Variants in THSD7B observed in about 807,000 individuals in gnomAD.
THSD7B encodes the protein thrombospondin type-1 domain-containing protein 7B.
In THSD7B, 138 loss-of-function variants were observed where a neutral mutation model predicts 213.6. That is an observed-to-expected ratio of 0.65 (90% CI 0.56 to 0.74). THSD7B has a LOEUF of 0.74. THSD7B is among the 30% of genes least tolerant of loss of function. The pLI is 0.00. For synonymous variants in THSD7B, 742 were observed against 687.0 expected (o/e 1.08, Z -1.25); for missense variants, 1,931 against 1,991.5 (o/e 0.97, Z 0.58).
chr2:136,888,580 C>T (rs1683761541), intron 2 of THSD7B, among the ~76,000 whole-genome samples: 1 of 151,950 alleles, frequency 6.6e-6, no homozygotes, highest in South Asian at 2.1e-4. Flanking sequence ...TTAATTACTT[C>T]CATGGATATT....
At chr2:136,881,041 G>A (rs1683613688) in intron 1 of THSD7B, among the ~76,000 whole-genome samples, 1 of 152,056 alleles carries the variant, frequency 6.6e-6, no homozygotes, top group African/African-American at 2.4e-5. Context: ...CTAATCACCA[G>A]TCCCCAAACA....
intron 1 of THSD7B, among the ~76,000 whole-genome samples, chr2:136,872,934 T>C (rs1296377904): frequency 7.0e-6 from 1 of 142,868 alleles, no homozygotes; most frequent in East Asian, 2.2e-4. Flanking sequence ...GCATAACTGC[T>C]AAATTGCTTC....
chr2:137,655,044 A>G (rs1424703859), intron 21 of THSD7B, among the ~76,000 whole-genome samples: 3 of 152,214 alleles, frequency 2.0e-5, no homozygotes, highest in Non-Finnish European at 4.4e-5. Context: ...GTGGCAACAG[A>G]GAAAAACCGT....
chr2:137,471,594 C>T (rs997981555), intron 15 of THSD7B, among the ~76,000 whole-genome samples: 2 of 151,994 alleles, frequency 1.3e-5, no homozygotes, highest in Non-Finnish European at 1.5e-5. Flanking sequence ...GCCTACTCCT[C>T]AGGTCTAGGG....
chr2:137,387,085 C>T (rs1226476192), intron 12 of THSD7B, among the ~76,000 whole-genome samples: 1 of 152,180 alleles, frequency 6.6e-6, no homozygotes, highest in Non-Finnish European at 1.5e-5. Context: ...TGCGTTTCTC[C>T]CAAGGCTCAC....
Position 137,056,641 on chromosome 2 carries a change from C to T in THSD7B, c.361C>T (p.Arg121Cys), listed in dbSNP as rs756145411. Reference protein sequence around the residue: ...WHHCVLVPYARGEVKPRTAEC... With the variant: ...WHHCVLVPYACGEVKPRTAEC... ...CCACTGTGTGCTTGTTCCTTACGCT[C>T]GCGGTGAAGTCAAGCCTCGGACTGC... The change falls in exon 3 of 28, where the codon CGC (arginine) becomes TGC (cysteine). Residue 121 changes from arginine (R) to cysteine (C), a missense_variant. By Grantham distance (180) the Arg-to-Cys change is radical. Transcript: ENST00000409968. 5.0e-6 allele frequency: 8 copies of T among 1,613,890 alleles called. No individual in the cohort carries two copies. The highest frequency in any genetic ancestry group is 1.6e-4 in the Middle Eastern group (1 of 6,062).
chr2:137,473,671 A>G (rs995175357), intron 15 of THSD7B, among the ~76,000 whole-genome samples: 1 of 152,202 alleles, frequency 6.6e-6, no homozygotes, highest in African/African-American at 2.4e-5. Flanking sequence ...TACAATGACT[A>G]CTAGTACAGT....
At chr2:137,456,481 C>A (rs1687766087) in intron 15 of THSD7B, among the ~76,000 whole-genome samples, 1 of 152,104 alleles carries the variant, frequency 6.6e-6, no homozygotes. Flanking sequence ...TCAGTGTTGG[C>A]CTCTTGCATC....
At chr2:137,133,491 A>G (rs958035792) in intron 5 of THSD7B, among the ~76,000 whole-genome samples, 2 of 152,024 alleles carry the variant, frequency 1.3e-5, no homozygotes, top group African/African-American at 4.8e-5. Context: ...TAAATTACCC[A>G]GGGATTTTTT....
intron 2 of THSD7B, among the ~76,000 whole-genome samples, chr2:136,957,437 G>GTTTTTTTTT (rs34483995): frequency 7.7e-6 from 1 of 129,986 alleles, no homozygotes; most frequent in Non-Finnish European, 1.6e-5. Context: ...CCAATACAAC[G>GTTTTTTTTT]TTTTTTTTTT....
At chr2:137,595,463 G>A (rs1681941790) in intron 17 of THSD7B, among the ~76,000 whole-genome samples, 1 of 151,888 alleles carries the variant, frequency 6.6e-6, no homozygotes, top group South Asian at 2.1e-4. Context: ...ACAACCCAGG[G>A]ATAAATACTT....
At chr2:137,117,996 T>C (rs1688474512) in intron 5 of THSD7B, among the ~76,000 whole-genome samples, 1 of 152,156 alleles carries the variant, frequency 6.6e-6, no homozygotes. Context: ...TATAGCATAT[T>C]TAGTTGATAC....
intron 9 of THSD7B, among the ~76,000 whole-genome samples, chr2:137,238,271 G>A (rs540888669): frequency 2.9e-4 from 44 of 152,226 alleles, no homozygotes; most frequent in African/African-American, 9.1e-4. Flanking sequence ...GGGTGGGTCC[G>A]TATGGGAACC....
intron 5 of THSD7B, among the ~76,000 whole-genome samples, chr2:137,136,736 A>C (rs1465899320): frequency 6.6e-6 from 1 of 152,172 alleles, no homozygotes; most frequent in Non-Finnish European, 1.5e-5. Context: ...TCACATTATC[A>C]TCCTCCAAAC....
intron 20 of THSD7B, among the ~76,000 whole-genome samples, chr2:137,631,274 TG>T (rs1274214553): frequency 2.0e-5 from 3 of 152,210 alleles, no homozygotes; most frequent in Non-Finnish European, 4.4e-5. Flanking sequence ...GGATTAGTCA[TG>T]TTTTTTGTCT....
intron 7 of THSD7B, among the ~76,000 whole-genome samples, chr2:137,223,958 T>A (rs572244716): frequency 1.3e-5 from 2 of 152,256 alleles, no homozygotes; most frequent in South Asian, 4.1e-4. Context: ...CTTCTGCCAA[T>A]GATGTAAGTT....
At chr2:137,617,377 A>G (rs1682426252) in intron 18 of THSD7B, among the ~76,000 whole-genome samples, 1 of 152,222 alleles carries the variant, frequency 6.6e-6, no homozygotes, top group African/African-American at 2.4e-5. Flanking sequence ...GACACCAAAA[A>G]TAACAGTTGT....
At chr2:137,584,071 A>G (rs1436103548) in intron 17 of THSD7B, among the ~76,000 whole-genome samples, 1 of 151,970 alleles carries the variant, frequency 6.6e-6, no homozygotes, top group African/African-American at 2.4e-5. Context: ...GTAAATTGGA[A>G]TCCTAGGTAT....
chr2:137,038,969 G>A (rs972236555), intron 2 of THSD7B, among the ~76,000 whole-genome samples: 1 of 152,148 alleles, frequency 6.6e-6, no homozygotes, highest in African/African-American at 2.4e-5. Flanking sequence ...GCAAGATAAA[G>A]TGGAATTTTA....
Sources: allele counts gnomAD v4.1 joint callset (sites outside exome capture counted in the v4.1 genomes callset), GRCh38; gene constraint gnomAD v4.1.1; transcripts MANE v1.5; gene names NCBI Gene and HGNC (gene_info 2026-07-23, HGNC 2026-07-21).